The following SIPA1L3 variants were observed in gnomAD, a reference collection of about 807,000 sequenced individuals.
SIPA1L3 encodes signal induced proliferation associated 1 like 3.
A neutral mutation model predicts 150.1 loss-of-function variants in SIPA1L3; 59 were observed. That is an observed-to-expected ratio of 0.39 (90% confidence interval 0.32 to 0.49). SIPA1L3 has a LOEUF of 0.49. Among genes scored for constraint, SIPA1L3 ranks in the 20% least tolerant of loss-of-function variants. The pLI is 0.86. For synonymous variants in SIPA1L3, 1,070 were observed against 1,077.6 expected (o/e 0.99, Z 0.14); for missense variants, 2,211 against 2,489.5 (o/e 0.89, Z 2.38).
At chr19:38,084,785 G>A (rs577363901) in intron 3 of SIPA1L3, among the ~76,000 whole-genome samples, 5 of 151,774 alleles carry the variant, frequency 3.3e-5, no homozygotes, top group South Asian at 4.2e-4. Context: ...GATTACAGGC[G>A]CTCGCTATCA....
At chr19:37,971,265 G>A (rs987822921) in intron 1 of SIPA1L3, among the ~76,000 whole-genome samples, 5 of 151,996 alleles carry the variant, frequency 3.3e-5, no homozygotes, top group African/African-American at 1.2e-4. Flanking sequence ...GCAGGTGTGA[G>A]CCACTGCACC....
Position 38,136,183 on chromosome 19 carries a change from C to CAAAAAAAAA in SIPA1L3, c.3144-4986_3144-4978dup, listed in dbSNP as rs56146390. ...CCTGGGCAAGAGAGTGAGACTGTCT[C>CAAAAAAAAA]AAAAAAAAAAAAAAAAAAAAAAAGA... On this transcript the variant is annotated intron_variant, in intron 10 of 21. Transcript: ENST00000222345. 7.5e-4 allele frequency among the ~76,000 whole-genome samples: 33 copies of CAAAAAAAAA among 44,096 alleles called. 2 individuals are homozygous for CAAAAAAAAA. The highest frequency in any genetic ancestry group is 8.7e-4 in the Non-Finnish European group (21 of 24,146). 28.9% of individuals were successfully genotyped at this position (44,096 alleles called of 152,430 possible). A position where few individuals can be genotyped will look rare whatever the true frequency, so the allele number is the denominator to read the frequency against.
Position 38,000,879 on chromosome 19 carries a change from A to T in SIPA1L3, c.-378-28210A>T, listed in dbSNP as rs182637879. Among the ~76,000 whole-genome samples the T allele has an allele frequency of 4.2e-3, 582 of 140,162 alleles. 1 individual carries two copies. The highest frequency in any genetic ancestry group is 6.4e-3 in the Non-Finnish European group (424 of 66,072). The allele number at this position is 140,162 out of a possible 152,430, so 92.0% of individuals were successfully genotyped here. A position where few individuals can be genotyped will look rare whatever the true frequency, so the allele number is the denominator to read the frequency against. On this transcript the variant is annotated intron_variant, in intron 1 of 21. Coordinates refer to ENST00000222345, the MANE Select transcript of SIPA1L3 (RefSeq NM_015073.3). Reference sequence around the variant, plus strand: ...TGTACATTTATGTTCCAAGTTTTTTATATATATATATATGTTATATATATA... The same window carrying T: ...TGTACATTTATGTTCCAAGTTTTTTTTATATATATATATGTTATATATATA...
intron 1 of SIPA1L3, among the ~76,000 whole-genome samples, chr19:37,980,462 TTAA>T (rs1038336381): frequency 2.0e-5 from 3 of 151,722 alleles, no homozygotes; most frequent in Non-Finnish European, 4.4e-5. Flanking sequence ...TGGGTAGGAG[TTAA>T]TAAGGCAAAA....
intron 9 of SIPA1L3, among the ~76,000 whole-genome samples, chr19:38,129,263 T>A (rs1971253235): frequency 6.6e-6 from 1 of 152,108 alleles, no homozygotes; most frequent in Admixed American, 6.5e-5. Context: ...AGGCCCTGCG[T>A]GGTCCGATCA....
At chr19:38,048,974 C>T (rs886285472) in intron 2 of SIPA1L3, among the ~76,000 whole-genome samples, 4 of 151,890 alleles carry the variant, frequency 2.6e-5, no homozygotes, top group East Asian at 1.9e-4. Context: ...TCCCAGCTAT[C>T]GTGAGGCTGA....
intron 1 of SIPA1L3, among the ~76,000 whole-genome samples, chr19:37,975,591 C>T (rs1967056418): frequency 1.3e-5 from 2 of 152,182 alleles, no homozygotes; most frequent in South Asian, 2.1e-4. Context: ...ATATGTAAAA[C>T]TTTAGAACAG....
chr19:37,989,313 G>A (rs1350252392), intron 1 of SIPA1L3, among the ~76,000 whole-genome samples: 1 of 152,126 alleles, frequency 6.6e-6, no homozygotes, highest in Non-Finnish European at 1.5e-5. Flanking sequence ...TCCATTTGCT[G>A]AACTCAAACC....
intron 1 of SIPA1L3, among the ~76,000 whole-genome samples, chr19:37,981,772 C>T (rs1294160266): frequency 6.6e-6 from 1 of 152,068 alleles, no homozygotes. Context: ...GGTAGAGTTG[C>T]TCCGTGAGTA....
intron 1 of SIPA1L3, among the ~76,000 whole-genome samples, chr19:38,024,100 G>A (rs1257889503): frequency 1.3e-5 from 2 of 152,104 alleles, no homozygotes; most frequent in Non-Finnish European, 2.9e-5. Context: ...GAAATACGAG[G>A]GTGGGGTAGA....
chr19:38,116,833 G>A (rs959564807), intron 8 of SIPA1L3, among the ~76,000 whole-genome samples: 4 of 152,198 alleles, frequency 2.6e-5, no homozygotes, highest in East Asian at 1.9e-4. Context: ...CAGCCTGGGC[G>A]ACAGAGCGAG....
In SIPA1L3 at chr19:38,055,358, A is replaced by G. The variant is rs140302638; in HGVS notation, c.-310-25898A>G. Among the ~76,000 whole-genome samples, 660 of 152,322 alleles carry G rather than the reference A, an allele frequency of 4.3e-3. 4 individuals are homozygous for G. Among genetic ancestry groups the G allele is most frequent in the African/African-American group, 0.015 (634 of 41,564 alleles). On this transcript the variant is annotated intron_variant, in intron 2 of 21. Transcript: ENST00000222345. Reference sequence around the variant, plus strand: ...TTGCTGTCCCCAGCATGTCACTCTCAGCCTCATGCTCCCAAGATGACGGTT... The same window carrying G: ...TTGCTGTCCCCAGCATGTCACTCTCGGCCTCATGCTCCCAAGATGACGGTT...
chr19:38,057,351 C>CAT, intron 2 of SIPA1L3, among the ~76,000 whole-genome samples: 1 of 150,256 alleles, frequency 6.7e-6, no homozygotes, highest in South Asian at 2.2e-4. Flanking sequence ...TATATATATA[C>CAT]GTATATATAT....
intron 21 of SIPA1L3, 28 bp downstream of exon 21, chr19:38,204,236 T>C (rs1600213699): frequency 6.5e-7 from 1 of 1,540,898 alleles, no homozygotes; most frequent in Non-Finnish European, 8.8e-7. Context: ...GCCCTCTCCA[T>C]CCCACTTCCC....
At chr19:38,127,063 A>G (rs1971192959) in intron 9 of SIPA1L3, among the ~76,000 whole-genome samples, 1 of 152,138 alleles carries the variant, frequency 6.6e-6, no homozygotes, top group African/African-American at 2.4e-5. Context: ...GTGGTGGCGC[A>G]TGCCTGTGAT....
chr19:37,971,561 T>C (rs542473713), intron 1 of SIPA1L3, among the ~76,000 whole-genome samples: 28 of 88,114 alleles, frequency 3.2e-4, no homozygotes, highest in African/African-American at 1.2e-3. Context: ...ATGTTTTTTG[T>C]TTTTTGGGGT....
chr19:38,044,037 C>T (rs1409819762), intron 2 of SIPA1L3, among the ~76,000 whole-genome samples: 1 of 152,142 alleles, frequency 6.6e-6, no homozygotes, highest in Non-Finnish European at 1.5e-5. Context: ...CCATTTATAT[C>T]TTGAAGGTGG....
At chr19:37,971,255 G>A (rs932892491) in intron 1 of SIPA1L3, among the ~76,000 whole-genome samples, 12 of 151,770 alleles carry the variant, frequency 7.9e-5, no homozygotes, top group African/African-American at 2.9e-4. Context: ...TGCTGGGAGT[G>A]CAGGTGTGAG....
intron 2 of SIPA1L3, among the ~76,000 whole-genome samples, chr19:38,052,971 C>A (rs958618029): frequency 1.3e-5 from 2 of 152,200 alleles, no homozygotes; most frequent in Non-Finnish European, 2.9e-5. Flanking sequence ...TCAGGGAGCC[C>A]CCTGCATGAG....
Sources: gnomAD v4.1 joint callset for allele counts (sites outside exome capture counted in the v4.1 genomes callset) on GRCh38, gnomAD v4.1.1 for gene constraint, MANE v1.5 for transcripts, NCBI Gene and HGNC (gene_info 2026-07-23, HGNC 2026-07-21) for gene names.